Variants in PTPRM observed in about 807,000 individuals in gnomAD.
PTPRM encodes receptor-type tyrosine-protein phosphatase mu.
In PTPRM, 47 loss-of-function variants were observed where a neutral mutation model predicts 186.7. The observed-to-expected ratio is 0.25, with a 90% CI of 0.20 to 0.32. The LOEUF is 0.32. Among genes scored for constraint, PTPRM ranks in the 10% least tolerant of loss-of-function variants. The pLI, the probability that PTPRM is intolerant of heterozygous loss-of-function variation, is 1.00. For missense variants in PTPRM, 1,494 were observed against 1,865.0 expected (o/e 0.80, Z 3.66); for synonymous variants, 668 against 674.9 (o/e 0.99, Z 0.16).
chr18:7,618,085 T>C (rs1567986336), intron 1 of PTPRM, among the ~76,000 whole-genome samples: 1 of 152,184 alleles, frequency 6.6e-6, no homozygotes, highest in African/African-American at 2.4e-5. Flanking sequence ...TATTCCACTG[T>C]TAATAAGAAC....
At chr18:7,820,193 A>G (rs1333404374) in intron 2 of PTPRM, among the ~76,000 whole-genome samples, 1 of 152,256 alleles carries the variant, frequency 6.6e-6, no homozygotes, top group East Asian at 1.9e-4. Context: ...GCCATACTCA[A>G]TGGCAGTGGG....
chr18:8,018,975 G>T (rs567840617), intron 7 of PTPRM, among the ~76,000 whole-genome samples: 1 of 152,232 alleles, frequency 6.6e-6, no homozygotes, highest in East Asian at 1.9e-4. Flanking sequence ...CCGTAATAAC[G>T]ACAGTAATAA....
chr18:8,342,813 G>T (rs1359550566), intron 22 of PTPRM, among the ~76,000 whole-genome samples: 1 of 152,138 alleles, frequency 6.6e-6, no homozygotes, highest in East Asian at 1.9e-4. Flanking sequence ...TTAATGCTCA[G>T]ATCCCAAGAG....
At chr18:8,309,617 TC>T (rs1234552589) in intron 20 of PTPRM, among the ~76,000 whole-genome samples, 1 of 152,150 alleles carries the variant, frequency 6.6e-6, no homozygotes, top group Non-Finnish European at 1.5e-5. Flanking sequence ...GCTCAAGGGA[TC>T]CTCCTGCCTC....
chr18:7,938,584 A>G (rs2051973459), intron 5 of PTPRM, among the ~76,000 whole-genome samples: 1 of 152,228 alleles, frequency 6.6e-6, no homozygotes, highest in Admixed American at 6.5e-5. Context: ...TTTGATTTTA[A>G]GACCACAGAA....
intron 1 of PTPRM, among the ~76,000 whole-genome samples, chr18:7,735,395 C>T (rs766325788): frequency 2.6e-5 from 4 of 152,120 alleles, no homozygotes; most frequent in Non-Finnish European, 5.9e-5. Flanking sequence ...TGCATTCCAG[C>T]CTGGCCAACA....
chr18:8,259,660 T>G lies in PTPRM; in HGVS notation c.2754+6246T>G, dbSNP rs190403641. The stretch of plus-strand genomic sequence containing the variant: ...GCACTCTAAAATCTTGCTTTTTTTT[T>G]TGTGACTTAGTCTCACTCTGTGGCC... On this transcript the variant is annotated intron_variant, in intron 19 of 32. Coordinates refer to ENST00000580170, the MANE Select transcript of PTPRM (RefSeq NM_001105244.2). Among the ~76,000 whole-genome samples, 74 of 152,226 alleles carry G rather than the reference T, an allele frequency of 4.9e-4. 1 individual carries two copies. The highest frequency in any genetic ancestry group is 6.8e-3 in the Middle Eastern group (2 of 294).
chr18:7,657,973 A>G (rs1464060108), intron 1 of PTPRM, among the ~76,000 whole-genome samples: 2 of 152,182 alleles, frequency 1.3e-5, no homozygotes, highest in East Asian at 3.9e-4. Context: ...GTTTCGATAC[A>G]TATATACATT....
intron 7 of PTPRM, among the ~76,000 whole-genome samples, chr18:8,067,683 A>T (rs1397423962): frequency 1.3e-5 from 2 of 152,198 alleles, no homozygotes; most frequent in Non-Finnish European, 2.9e-5. Context: ...GGCATAATTG[A>T]TGGAGAAAAC....
intron 2 of PTPRM, among the ~76,000 whole-genome samples, chr18:7,844,566 G>A (rs999441706): frequency 4.6e-5 from 7 of 152,222 alleles, no homozygotes; most frequent in Middle Eastern, 3.4e-3. Context: ...AGGCATGCAC[G>A]AGTCACTGGT....
Position 7,860,589 on chromosome 18 carries a change from T to C in PTPRM, c.197-27517T>C, listed in dbSNP as rs2047329382. ...TTAGCCTTTCCAAGCTCAGGAATCATCTGGCCTCTTTCACCACCTTTTCCT... is the reference window on the plus strand; with the variant it reads ...TTAGCCTTTCCAAGCTCAGGAATCACCTGGCCTCTTTCACCACCTTTTCCT... On this transcript the variant is annotated intron_variant, in intron 2 of 32. Transcript: ENST00000580170. 2.0e-5 allele frequency among the ~76,000 whole-genome samples: 3 copies of C among 152,324 alleles called. 1 individual carries two copies. The South Asian group carries it at 6.2e-4, about 32-fold the overall frequency.
At chr18:8,198,307 C>G (rs1175771172) in intron 14 of PTPRM, among the ~76,000 whole-genome samples, 2 of 152,074 alleles carry the variant, frequency 1.3e-5, no homozygotes, top group African/African-American at 4.8e-5. Flanking sequence ...ACCACTATAC[C>G]TGGCTAACTT....
At chr18:7,934,340 A>G (rs913624249) in intron 5 of PTPRM, among the ~76,000 whole-genome samples, 12 of 152,134 alleles carry the variant, frequency 7.9e-5, no homozygotes, top group Admixed American at 7.2e-4. Flanking sequence ...AGAGTTTGAC[A>G]TATAATTCCA....
chr18:7,696,763 A>G (rs370261774), intron 1 of PTPRM, among the ~76,000 whole-genome samples: 1 of 152,192 alleles, frequency 6.6e-6, no homozygotes, highest in East Asian at 1.9e-4. Flanking sequence ...CAACTCACGA[A>G]CTATTTGTGC....
At chr18:7,680,937 C>A (rs2039466800) in intron 1 of PTPRM, among the ~76,000 whole-genome samples, 1 of 152,100 alleles carries the variant, frequency 6.6e-6, no homozygotes. Context: ...TTCAAGGTCA[C>A]CATTTCCCAT....
At chr18:7,946,785 A>T (rs2052554533) in intron 5 of PTPRM, 1 of 369,988 alleles carries the variant, frequency 2.7e-6, no homozygotes, top group African/African-American at 2.1e-5. Flanking sequence ...AATACTAAAG[A>T]TAATGTTGAT....
At chr18:7,718,191 C>T (rs147198188) in intron 1 of PTPRM, among the ~76,000 whole-genome samples, 118 of 152,228 alleles carry the variant, frequency 7.8e-4, no homozygotes, top group African/African-American at 2.4e-3. Flanking sequence ...GTTACCAAAA[C>T]GGCATGGTAC....
intron 1 of PTPRM, among the ~76,000 whole-genome samples, chr18:7,604,212 G>A (rs565311866): frequency 1.1e-4 from 16 of 152,234 alleles, no homozygotes; most frequent in South Asian, 2.1e-4. Flanking sequence ...TTTTCATGCC[G>A]AGCAGGGCTT....
chr18:8,302,018 G>A lies in PTPRM; in HGVS notation c.2842+5563G>A, dbSNP rs539401282. ...GGTAGGGGCAGAGGTGGGAGATGCA[G>A]GGACTCTGGGGTGACCACAGGAGCA... On this transcript the variant is annotated intron_variant, in intron 20 of 32. Transcript: ENST00000580170. Among the ~76,000 whole-genome samples, 3 of 152,362 alleles carry A rather than the reference G, an allele frequency of 2.0e-5. No homozygotes were observed. The South Asian group carries it at 6.2e-4, about 32-fold the overall frequency.
Sources: gnomAD v4.1 joint callset for allele counts (sites outside exome capture counted in the v4.1 genomes callset) on GRCh38, gnomAD v4.1.1 for gene constraint, MANE v1.5 for transcripts, NCBI Gene and HGNC (gene_info 2026-07-23, HGNC 2026-07-21) for gene names.